ANKS1B: variants seen among roughly 807,000 people sequenced by gnomAD.
ANKS1B encodes ankyrin repeat and sterile alpha motif domain-containing protein 1B.
ANKS1B carries 36 observed loss-of-function variants against 148.3 expected under a neutral mutation model. That is an observed-to-expected ratio of 0.24 (90% CI 0.19 to 0.32). ANKS1B has a LOEUF of 0.32. Among genes scored for constraint, ANKS1B ranks in the 10% least tolerant of loss-of-function variants. ANKS1B has a pLI of 1.00. For missense variants in ANKS1B, 1,157 were observed against 1,542.6 expected (o/e 0.75, Z 4.19); for synonymous variants, 542 against 560.8 (o/e 0.97, Z 0.47).
intron 12 of ANKS1B, among the ~76,000 whole-genome samples, chr12:99,318,057 T>C (rs948625044): frequency 1.3e-5 from 2 of 152,200 alleles, no homozygotes; most frequent in Non-Finnish European, 2.9e-5. Context: ...TGCTGCTGGA[T>C]TTGGTTTGCC....
At chr12:99,108,468 T>C (rs565175157) in intron 15 of ANKS1B, among the ~76,000 whole-genome samples, 2 of 152,278 alleles carry the variant, frequency 1.3e-5, no homozygotes, top group South Asian at 2.1e-4. Flanking sequence ...CCATCAGGAA[T>C]TGGGGCCCTG....
At chr12:99,979,882 A>G (rs2095672870) in intron 1 of ANKS1B, among the ~76,000 whole-genome samples, 1 of 152,058 alleles carries the variant, frequency 6.6e-6, no homozygotes, top group South Asian at 2.1e-4. Context: ...ATTTATACTA[A>G]GTTGAAGAGA....
At chr12:98,741,709 A>G (rs1265908752), downstream of ANKS1B, among the ~76,000 whole-genome samples, 1 of 152,192 alleles carries the variant, frequency 6.6e-6, no homozygotes, top group Admixed American at 6.5e-5. Flanking sequence ...CTTCTTTCTC[A>G]GTCTCCCCTG....
At chr12:99,196,422 T>C (rs1014603796) in intron 14 of ANKS1B, among the ~76,000 whole-genome samples, 3 of 152,114 alleles carry the variant, frequency 2.0e-5, no homozygotes, top group Admixed American at 6.6e-5. Context: ...AATTTAACCA[T>C]GCATCAGCTG....
intron 11 of ANKS1B, among the ~76,000 whole-genome samples, chr12:99,413,690 T>A (rs1052383997): frequency 2.0e-5 from 3 of 152,224 alleles, no homozygotes; most frequent in African/African-American, 7.2e-5. Flanking sequence ...CATTTTTATA[T>A]AGAGGTATCT....
intron 17 of ANKS1B, among the ~76,000 whole-genome samples, chr12:98,987,494 A>C (rs539828979): frequency 2.0e-5 from 3 of 152,266 alleles, no homozygotes; most frequent in African/African-American, 7.2e-5. Context: ...ATAATGGTAA[A>C]GTAGCTTATT....
chr12:99,528,825 C>G (rs185463883), intron 9 of ANKS1B, among the ~76,000 whole-genome samples: 34 of 152,166 alleles, frequency 2.2e-4, no homozygotes, highest in Admixed American at 1.5e-3. Context: ...AAAGTATGCA[C>G]TCAAATTATA....
At chr12:99,119,880 A>G (rs140172575) in intron 15 of ANKS1B, among the ~76,000 whole-genome samples, 1 of 152,250 alleles carries the variant, frequency 6.6e-6, no homozygotes, top group Non-Finnish European at 1.5e-5. Context: ...ACAAGAGTTC[A>G]GTTCCTATGG....
chr12:99,512,129 C>T lies in ANKS1B; in HGVS notation c.1273-7488G>A, dbSNP rs190448720. Among the ~76,000 whole-genome samples the T allele has an allele frequency of 6.3e-4, 96 of 152,082 alleles. 1 individual carries two copies. The highest frequency in any genetic ancestry group is 1.7e-3 in the African/African-American group (71 of 41,484). On this transcript the variant is annotated intron_variant, in intron 9 of 26. Transcript: ENST00000683438. ...ACTATCAACAGAGTGAACAGACAAC[C>T]TACAGAGTGGGATAAAATTTTTGCA...
intron 9 of ANKS1B, among the ~76,000 whole-genome samples, chr12:99,572,473 T>C (rs985502172): frequency 6.6e-6 from 1 of 152,066 alleles, no homozygotes; most frequent in African/African-American, 2.4e-5. Flanking sequence ...AATTCAGATA[T>C]AAGCCATGCA....
chr12:99,642,318 TGA>T (rs925594528), intron 9 of ANKS1B, among the ~76,000 whole-genome samples: 3 of 151,976 alleles, frequency 2.0e-5, no homozygotes, highest in African/African-American at 7.2e-5. Flanking sequence ...AGTGCATCTA[TGA>T]GAGATGAAAT....
In ANKS1B at chr12:99,774,258, T is replaced by C. The variant is rs142750535; in HGVS notation, c.962-1170A>G. Reference sequence around the variant, plus strand: ...TCTGGTAAGGGGTTAATGTGCAAAATACATAAGGAATTCACATAACTCAAT... The same window carrying C: ...TCTGGTAAGGGGTTAATGTGCAAAACACATAAGGAATTCACATAACTCAAT... On this transcript the variant is annotated intron_variant, in intron 7 of 26. Coordinates refer to ENST00000683438, the MANE Select transcript of ANKS1B (RefSeq NM_001352186.2). 3.3e-5 allele frequency among the ~76,000 whole-genome samples: 5 copies of C among 152,094 alleles called. No individual in the cohort carries two copies. The East Asian group carries it at 9.6e-4, about 29-fold the overall frequency.
intron 17 of ANKS1B, among the ~76,000 whole-genome samples, chr12:98,896,561 T>C (rs929776812): frequency 3.9e-5 from 6 of 152,174 alleles, no homozygotes; most frequent in African/African-American, 1.4e-4. Context: ...TCTGTGAGGG[T>C]CAGGATAATA....
At chr12:99,255,203 T>C (rs2075115567) in intron 12 of ANKS1B, among the ~76,000 whole-genome samples, 1 of 152,136 alleles carries the variant, frequency 6.6e-6, no homozygotes, top group Non-Finnish European at 1.5e-5. Context: ...TCTCTATACC[T>C]TTTTGAAGTT....
intron 12 of ANKS1B, among the ~76,000 whole-genome samples, chr12:99,277,544 T>C (rs1262928280): frequency 6.6e-6 from 1 of 152,150 alleles, no homozygotes; most frequent in African/African-American, 2.4e-5. Flanking sequence ...ACATGAAATG[T>C]TGAAGATAGA....
In ANKS1B at chr12:99,181,015, T is replaced by C. The variant is rs182662022; in HGVS notation, c.2420-26620A>G. 9.3e-4 allele frequency among the ~76,000 whole-genome samples: 142 copies of C among 152,272 alleles called. 3 individuals are homozygous for C. Among genetic ancestry groups the C allele is most frequent in the Admixed American group, 8.4e-3 (128 of 15,300 alleles). Reference sequence around the variant, plus strand: ...AAGTTTCTCCCCAGTTTACATCCATTAGAGTATACTGTTTTCTCCAACCAT... The same window carrying C: ...AAGTTTCTCCCCAGTTTACATCCATCAGAGTATACTGTTTTCTCCAACCAT... On this transcript the variant is annotated intron_variant, in intron 14 of 26. Coordinates refer to ENST00000683438, the MANE Select transcript of ANKS1B (RefSeq NM_001352186.2).
In ANKS1B at chr12:98,801,209, C is replaced by T. The variant is rs1389099731; in HGVS notation, c.3142-84G>A. The T allele has an allele frequency of 7.0e-7, 1 of 1,435,016 alleles. No individual in the cohort carries two copies. Among genetic ancestry groups the T allele is most frequent in the Admixed American group, 2.1e-5 (1 of 47,844 alleles). 88.9% of individuals were successfully genotyped at this position (1,435,016 alleles called of 1,614,324 possible). A position where few individuals can be genotyped will look rare whatever the true frequency, so the allele number is the denominator to read the frequency against. The stretch of plus-strand genomic sequence containing the variant: ...AGCTACCCTGAGCTCACCTTACACA[C>T]AGGTGCTGTGAATGTACCAAAATGC... On this transcript the variant is annotated intron_variant, in intron 20 of 26. Transcript: ENST00000683438. The surrounding 1 kb of genome is among the most constrained non-coding windows in gnomAD (Gnocchi z 5.2).
At chr12:99,792,073 A>C (rs956809351) in intron 4 of ANKS1B, among the ~76,000 whole-genome samples, 2 of 151,958 alleles carry the variant, frequency 1.3e-5, no homozygotes, top group Non-Finnish European at 2.9e-5. Flanking sequence ...ATTACAACTA[A>C]TATCACAGAA....
intron 17 of ANKS1B, among the ~76,000 whole-genome samples, chr12:98,872,483 G>A (rs1299416677): frequency 6.6e-6 from 1 of 152,160 alleles, no homozygotes; most frequent in Admixed American, 6.5e-5. Context: ...AGGTTGCAGT[G>A]AGCTGAGATT....
Sources: gnomAD v4.1 joint callset for allele counts (sites outside exome capture counted in the v4.1 genomes callset) on GRCh38, gnomAD v4.1.1 for gene constraint, Gnocchi (gnomAD v3.1) non-coding constraint, MANE v1.5 for transcripts, NCBI Gene and HGNC (gene_info 2026-07-23, HGNC 2026-07-21) for gene names.